GRHL2: variants seen among roughly 807,000 people sequenced by gnomAD.
GRHL2 encodes the protein grainyhead like transcription factor 2.
GRHL2 carries 21 observed loss-of-function variants against 83.8 expected under a neutral mutation model. That is an observed-to-expected ratio of 0.25 (90% CI 0.18 to 0.36). The LOEUF is 0.36. Among genes scored for constraint, GRHL2 ranks in the 10% least tolerant of loss-of-function variants. The pLI is 1.00. For synonymous variants in GRHL2, 280 were observed against 278.9 expected, an observed-to-expected ratio of 1.00 and a Z score of -0.04; for missense variants, 623 against 781.8, an observed-to-expected ratio of 0.80 and a Z score of 2.42.
chr8:101,618,994 C>T (rs1812910065), intron 8 of GRHL2, among the ~76,000 whole-genome samples: 1 of 152,142 alleles, frequency 6.6e-6, no homozygotes, highest in Non-Finnish European at 1.5e-5. Context: ...TGGCTCACGC[C>T]TGTCATCCCA....
intron 1 of GRHL2, among the ~76,000 whole-genome samples, chr8:101,516,673 C>T (rs989154290): frequency 1.3e-5 from 2 of 152,204 alleles, no homozygotes; most frequent in Non-Finnish European, 1.5e-5. Context: ...TCCCAAAGTG[C>T]TGGGATTACA....
chr8:101,494,788 G>C (rs1810060958), intron 1 of GRHL2, among the ~76,000 whole-genome samples: 1 of 152,182 alleles, frequency 6.6e-6, no homozygotes, highest in Admixed American at 6.5e-5. Flanking sequence ...AGTACTGAGC[G>C]CCCGCAATCT....
intron 1 of GRHL2, among the ~76,000 whole-genome samples, chr8:101,493,332 C>T (rs991674790): frequency 6.6e-6 from 1 of 152,104 alleles, no homozygotes; most frequent in Non-Finnish European, 1.5e-5. Context: ...AGTGCGCGCC[C>T]GCGTGTGGCC....
At chr8:101,585,917 CTG>C (rs987744312) in intron 7 of GRHL2, among the ~76,000 whole-genome samples, 5 of 151,954 alleles carry the variant, frequency 3.3e-5, no homozygotes, top group African/African-American at 9.7e-5. Context: ...ATCCCTTCCG[CTG>C]TGTGTGTGAT....
intron 4 of GRHL2, among the ~76,000 whole-genome samples, chr8:101,565,500 C>A (rs769947545): frequency 6.6e-6 from 1 of 152,096 alleles, no homozygotes; most frequent in Non-Finnish European, 1.5e-5. Flanking sequence ...AGTTCTCTTC[C>A]AATTAGTGAC....
intron 15 of GRHL2, among the ~76,000 whole-genome samples, chr8:101,665,238 G>C (rs1160760129): frequency 2.6e-5 from 4 of 152,198 alleles, no homozygotes; most frequent in Admixed American, 6.5e-5. Context: ...TCTGCCGTCT[G>C]ACTTTCTGTG....
intron 1 of GRHL2, among the ~76,000 whole-genome samples, chr8:101,516,660 G>A (rs1810579018): frequency 6.6e-6 from 1 of 152,078 alleles, no homozygotes; most frequent in Non-Finnish European, 1.5e-5. Context: ...TCCTGTCTTG[G>A]CCTCCCAAAG....
In GRHL2 at chr8:101,575,423, G is replaced by C. The variant is rs117528134; in HGVS notation, c.891+1599G>C. ...TTTTATTTCTTTATGTTCCATTTTGGCTAAAGTGAAGAGTCCCCCCTTTCT... is the reference window on the plus strand; with the variant it reads ...TTTTATTTCTTTATGTTCCATTTTGCCTAAAGTGAAGAGTCCCCCCTTTCT... On this transcript the variant is annotated intron_variant, in intron 6 of 15. Transcript: ENST00000646743. 2.1e-3 allele frequency among the ~76,000 whole-genome samples: 321 copies of C among 152,114 alleles called. 4 individuals are homozygous for C. The East Asian group carries it at 0.052, about 25-fold the overall frequency.
chr8:101,597,949 GATAA>G (rs768531670), intron 7 of GRHL2, among the ~76,000 whole-genome samples: 1 of 152,064 alleles, frequency 6.6e-6, no homozygotes, highest in African/African-American at 2.4e-5. Context: ...TTGAATTTCT[GATAA>G]ATAATGAATA....
At chr8:101,556,963 G>A (rs920239212) in intron 3 of GRHL2, among the ~76,000 whole-genome samples, 1 of 151,898 alleles carries the variant, frequency 6.6e-6, no homozygotes, top group Non-Finnish European at 1.5e-5. Flanking sequence ...AGAGAATAGT[G>A]TAATAAACCC....
intron 1 of GRHL2, among the ~76,000 whole-genome samples, chr8:101,540,444 C>T (rs983680527): frequency 1.3e-5 from 2 of 152,108 alleles, no homozygotes. Flanking sequence ...CTGATTATAC[C>T]CTTGTAATCT....
At chr8:101,618,664 G>A (rs961210810) in intron 8 of GRHL2, among the ~76,000 whole-genome samples, 1 of 151,896 alleles carries the variant, frequency 6.6e-6, no homozygotes, top group Non-Finnish European at 1.5e-5. Flanking sequence ...GATAAACTCA[G>A]TGATTCGCTC....
intron 8 of GRHL2, 103 bp from the exon 9 acceptor site, chr8:101,619,434 CTT>C: frequency 4.4e-6 from 4 of 910,016 alleles, no homozygotes; most frequent in Non-Finnish European, 7.2e-6. Context: ...CTTCAGTTGT[CTT>C]TATGGGGTTG....
At chr8:101,504,878 C>T (rs992046297) in intron 1 of GRHL2, among the ~76,000 whole-genome samples, 3 of 150,880 alleles carry the variant, frequency 2.0e-5, no homozygotes, top group Non-Finnish European at 2.9e-5. Context: ...TCAACCTATC[C>T]AAGAAGCATC....
chr8:101,590,677 T>G (rs1812262236), intron 7 of GRHL2, among the ~76,000 whole-genome samples: 1 of 152,218 alleles, frequency 6.6e-6, no homozygotes, highest in Non-Finnish European at 1.5e-5. Context: ...TCCACCACCA[T>G]GTTCCTTCTC....
chr8:101,603,033 A>G (rs1812550951), intron 8 of GRHL2, among the ~76,000 whole-genome samples: 1 of 152,212 alleles, frequency 6.6e-6, no homozygotes, highest in Non-Finnish European at 1.5e-5. Context: ...ATTCTTCTGA[A>G]TGCTCACAAT....
intron 1 of GRHL2, among the ~76,000 whole-genome samples, chr8:101,501,762 T>A (rs1044216983): frequency 6.6e-6 from 1 of 152,214 alleles, no homozygotes; most frequent in African/African-American, 2.4e-5. Context: ...GATTTTGATC[T>A]AAAAGCCTGG....
At chr8:101,607,223 C>T (rs753375477) in intron 8 of GRHL2, among the ~76,000 whole-genome samples, 7 of 152,192 alleles carry the variant, frequency 4.6e-5, no homozygotes, top group East Asian at 1.9e-4. Context: ...ATAGTCTTAA[C>T]GGATCATGCT....
At chr8:101,656,625 G>GTCAGACAGCT (rs1483064641) in intron 14 of GRHL2, among the ~76,000 whole-genome samples, 2 of 152,212 alleles carry the variant, frequency 1.3e-5, no homozygotes, top group African/African-American at 4.8e-5. Context: ...ATCCCATGTA[G>GTCAGACAGCT]TCAGACAGCT....
Sources: allele counts gnomAD v4.1 joint callset (sites outside exome capture counted in the v4.1 genomes callset), GRCh38; gene constraint gnomAD v4.1.1; transcripts MANE v1.5; gene names NCBI Gene and HGNC (gene_info 2026-07-23, HGNC 2026-07-21).